The following SLF2 variants were observed in gnomAD, a reference collection of about 807,000 sequenced individuals.
SLF2 encodes the protein SMC5-SMC6 complex localization factor protein 2.
SLF2 carries 68 observed loss-of-function variants against 124.3 expected under a neutral mutation model. The ratio of observed to expected loss-of-function variants is 0.55; its 90% CI spans 0.45 to 0.67. The LOEUF is 0.67. Among genes scored for constraint, SLF2 ranks in the 30% least tolerant of loss-of-function variants. The pLI is 0.00. For missense variants in SLF2, 1,246 were observed against 1,373.7 expected (o/e 0.91, Z 1.47); for synonymous variants, 480 against 478.8 (o/e 1.00, Z -0.03).
Position 100,916,725 on chromosome 10 carries a change from G to A in SLF2, c.340G>A (p.Ala114Thr), listed in dbSNP as rs1589940214. ...ACCAGAAAAGAGCCCTATTATAGAA[G>A]CTTTCATGAAAGGTGTTAAAGAGCA... ...VPPEKSPIIEAFMKGVKEHHE... is the reference protein window; with the variant it reads ...VPPEKSPIIETFMKGVKEHHE... The change falls in exon 3 of 20, where the codon GCT becomes ACT. Residue 114 changes from alanine to threonine, a missense_variant. This residue lies in a region of SLF2 where 698 missense variants were observed against 708.9 expected (regional missense o/e 0.98). Transcript: ENST00000238961. 6.4e-7 allele frequency: 1 copy of A among 1,571,316 alleles called. No homozygotes were observed.
intron 9 of SLF2, among the ~76,000 whole-genome samples, chr10:100,935,840 T>C (rs930167044): frequency 1.4e-5 from 2 of 146,230 alleles, no homozygotes; most frequent in South Asian, 4.3e-4. Context: ...TTTTGGATTT[T>C]TTGGGTTTTT....
chr10:100,931,773 C>A (rs1268633112), intron 9 of SLF2, among the ~76,000 whole-genome samples: 3 of 151,916 alleles, frequency 2.0e-5, no homozygotes, highest in Non-Finnish European at 2.9e-5. Context: ...GCAGGTGGAT[C>A]ATGAGGTCAG....
chr10:100,944,573 G>A (rs1004445378), intron 12 of SLF2, among the ~76,000 whole-genome samples: 8 of 148,906 alleles, frequency 5.4e-5, no homozygotes, highest in Non-Finnish European at 8.9e-5. Context: ...AATAATCTTT[G>A]TATTAAAAAT....
At chr10:100,942,105 A>G (rs1849992323) in intron 11 of SLF2, among the ~76,000 whole-genome samples, 1 of 152,092 alleles carries the variant, frequency 6.6e-6, no homozygotes, top group African/African-American at 2.4e-5. Flanking sequence ...ACACATTGTC[A>G]TTTCTCCAGT....
chr10:100,913,350 GAGCTC>G, intron 1 of SLF2, 100 bp downstream of exon 1: 1 of 1,377,860 alleles, frequency 7.3e-7, no homozygotes, highest in Non-Finnish European at 9.4e-7. Flanking sequence ...CATCCTCCGC[GAGCTC>G]AGGCGTTGGC....
At chr10:100,944,799 T>C (rs1289695739) in intron 12 of SLF2, among the ~76,000 whole-genome samples, 1 of 151,952 alleles carries the variant, frequency 6.6e-6, no homozygotes, top group Non-Finnish European at 1.5e-5. Flanking sequence ...CCAAGACGGG[T>C]GGATCACCTG....
At chr10:100,944,916 G>A (rs1255652083) in intron 12 of SLF2, among the ~76,000 whole-genome samples, 1 of 152,146 alleles carries the variant, frequency 6.6e-6, no homozygotes, top group Non-Finnish European at 1.5e-5. Flanking sequence ...TGTTATCCCA[G>A]CTACTGGGGA....
chr10:100,959,417 A>T lies in SLF2; in HGVS notation c.3418-11A>T. The T allele has an allele frequency of 1.3e-6, 2 of 1,598,752 alleles. No homozygotes were observed. The highest frequency in any genetic ancestry group is 1.7e-6 in the Non-Finnish European group (2 of 1,175,130). On this transcript the variant is annotated splice_polypyrimidine_tract_variant and intron_variant, in intron 18 of 19. Coordinates refer to ENST00000238961, the MANE Select transcript of SLF2 (RefSeq NM_018121.4). Reference sequence around the variant, plus strand: ...AATCTGATCCCTTTTCCTGTTTTTGATATTTTTAAGGTGAAAGACTTGGTC... The same window carrying T: ...AATCTGATCCCTTTTCCTGTTTTTGTTATTTTTAAGGTGAAAGACTTGGTC...
At chr10:100,920,533 CTT>C (rs1250604388) in intron 4 of SLF2, among the ~76,000 whole-genome samples, 1 of 152,276 alleles carries the variant, frequency 6.6e-6, no homozygotes, top group South Asian at 2.1e-4. Context: ...GCATTATACT[CTT>C]AATAAATATA....
intron 6 of SLF2, among the ~76,000 whole-genome samples, chr10:100,928,770 T>C (rs1228647448): frequency 6.6e-6 from 1 of 152,170 alleles, no homozygotes; most frequent in Non-Finnish European, 1.5e-5. Context: ...ATGGAGTTGT[T>C]GTAAGGGTTA....
chr10:100,922,576 A>G (rs1360602812), intron 4 of SLF2, among the ~76,000 whole-genome samples: 1 of 152,094 alleles, frequency 6.6e-6, no homozygotes, highest in South Asian at 2.1e-4. Context: ...GATTTAGGGA[A>G]ATCTGGTTTG....
intron 1 of SLF2, among the ~76,000 whole-genome samples, chr10:100,915,522 A>G (rs1197809163): frequency 1.3e-5 from 2 of 152,068 alleles, no homozygotes; most frequent in African/African-American, 4.8e-5. Context: ...TATAATCCCC[A>G]TTATTCATTT....
chr10:100,934,361 T>TC (rs113260604), intron 9 of SLF2, among the ~76,000 whole-genome samples: 153 of 152,342 alleles, frequency 1.0e-3, no homozygotes, highest in African/African-American at 3.0e-3. Flanking sequence ...TACTTAATTA[T>TC]CTGAAATCAC....
chr10:100,922,879 G>A (rs574298321), intron 4 of SLF2, among the ~76,000 whole-genome samples: 4 of 151,508 alleles, frequency 2.6e-5, no homozygotes, highest in Admixed American at 1.3e-4. Context: ...AGGTTCAAGC[G>A]ATTCTCCTGT....
intron 5 of SLF2, among the ~76,000 whole-genome samples, 181 bp from the exon 6 acceptor site, chr10:100,925,768 T>C (rs1373808224): frequency 6.6e-6 from 1 of 152,176 alleles, no homozygotes; most frequent in Non-Finnish European, 1.5e-5. Context: ...AAAATCAAAT[T>C]GTCTGCAGTG....
chr10:100,937,161 C>G (rs1482983357), intron 9 of SLF2, among the ~76,000 whole-genome samples: 1 of 152,106 alleles, frequency 6.6e-6, no homozygotes, highest in Admixed American at 6.5e-5. Flanking sequence ...CAGGTGTGCG[C>G]CACCACACCT....
chr10:100,947,692 T>A, intron 14 of SLF2, 68 bp from the exon 15 acceptor site: 2 of 1,091,718 alleles, frequency 1.8e-6, no homozygotes, highest in African/African-American at 1.6e-5. Context: ...TCCTCTTGGC[T>A]CATTCATTTG....
intron 9 of SLF2, 29 bp downstream of exon 9, chr10:100,931,107 T>A: frequency 6.8e-7 from 1 of 1,478,816 alleles, no homozygotes; most frequent in Non-Finnish European, 9.3e-7. Flanking sequence ...GGGTTATAGT[T>A]GCCTCCTACT....
At chr10:100,960,992 G>A (rs1850416136) in intron 19 of SLF2, among the ~76,000 whole-genome samples, 1 of 100,210 alleles carries the variant, frequency 1.0e-5, no homozygotes, top group Non-Finnish European at 2.0e-5. Context: ...GAGATATTCT[G>A]TACTTCTTTT....
Sources: gnomAD v4.1 joint callset for allele counts (sites outside exome capture counted in the v4.1 genomes callset) on GRCh38, gnomAD v4.1.1 for gene constraint, gnomAD v4.1.1 regional missense constraint, MANE v1.5 for transcripts, NCBI Gene and HGNC (gene_info 2026-07-23, HGNC 2026-07-21) for gene names.